Variants in MTAP observed in about 807,000 individuals in gnomAD.
MTAP encodes the protein S-methyl-5'-thioadenosine phosphorylase.
In MTAP, 33 loss-of-function variants were observed where a neutral mutation model predicts 33.6. The ratio of observed to expected loss-of-function variants is 0.98; its 90% CI spans 0.74 to 1.31. The LOEUF (loss-of-function observed/expected upper bound fraction) is 1.31, where lower values mean the gene tolerates loss of function less well. Ranked by LOEUF, MTAP falls within the 40% of genes most tolerant of loss-of-function variation. The probability of loss-of-function intolerance (pLI) is 0.00; values close to 1 mark genes in which losing one functional copy is unlikely to be tolerated. For missense variants in MTAP, 367 were observed against 360.0 expected (o/e 1.02, Z -0.16); for synonymous variants, 148 against 125.7 (o/e 1.18, Z -1.19).
In MTAP at chr9:21,863,750, A is replaced by T. The variant is rs551447344; in HGVS notation, c.*1736A>T. On this transcript the variant is annotated 3_prime_UTR_variant, in exon 8 of 8. Transcript: ENST00000644715. ...AGGATACTTCAGGATCAAGATACAGAACCTTTTATTTAAAGAGTTTGTAAA... is the reference window on the plus strand; with the variant it reads ...AGGATACTTCAGGATCAAGATACAGTACCTTTTATTTAAAGAGTTTGTAAA... 99 of 985,878 alleles carry T rather than the reference A, an allele frequency of 1.0e-4. No individual in the cohort carries two copies. In the African/African-American group the frequency reaches 1.7e-3, roughly 17 times the overall value. 61.1% of individuals were successfully genotyped at this position (985,878 alleles called of 1,614,324 possible). A position where few individuals can be genotyped will look rare whatever the true frequency, so the allele number is the denominator to read the frequency against.
intron 4 of MTAP, among the ~76,000 whole-genome samples, chr9:21,831,909 C>CCTA (rs1017391395): frequency 1.3e-5 from 2 of 151,946 alleles, no homozygotes; most frequent in Non-Finnish European, 2.9e-5. Context: ...GCCTGTTGTG[C>CCTA]CTAAGGCCTG....
chr9:21,898,970 C>G (rs926683310), intron 1 of MTAP, among the ~76,000 whole-genome samples: 2 of 152,044 alleles, frequency 1.3e-5, no homozygotes, highest in African/African-American at 4.8e-5. Context: ...ATAGCAAAGA[C>G]TTGGAACCAA....
chr9:21,940,073 G>C (rs951778778), downstream of MTAP, among the ~76,000 whole-genome samples: 1 of 152,144 alleles, frequency 6.6e-6, no homozygotes, highest in Admixed American at 6.5e-5. Flanking sequence ...CTGAGGTCGG[G>C]AGTTTGAAAC....
intron 4 of MTAP, among the ~76,000 whole-genome samples, chr9:21,820,407 C>T (rs1238721165): frequency 6.6e-6 from 1 of 152,192 alleles, no homozygotes; most frequent in Non-Finnish European, 1.5e-5. Context: ...GGAATCCTTT[C>T]CCCATTTCTT....
chr9:21,842,394 G>A (rs1825269403), intron 5 of MTAP, among the ~76,000 whole-genome samples: 1 of 152,144 alleles, frequency 6.6e-6, no homozygotes, highest in East Asian at 1.9e-4. Context: ...CCAAATACAA[G>A]AAGCTCAAAG....
chr9:21,829,552 C>T (rs951213118), intron 4 of MTAP, among the ~76,000 whole-genome samples: 28 of 151,864 alleles, frequency 1.8e-4, no homozygotes, highest in African/African-American at 6.8e-4. Context: ...CTACACTGCC[C>T]GTGTATTCTC....
chr9:21,930,972 T>G, intron 1 of MTAP: 1 of 742,288 alleles, frequency 1.3e-6, no homozygotes, highest in Non-Finnish European at 2.5e-6. Context: ...TTCAAAAATC[T>G]AATAACCCAA....
intron 4 of MTAP, among the ~76,000 whole-genome samples, chr9:21,830,518 T>C (rs1587223732): frequency 6.6e-6 from 1 of 152,240 alleles, no homozygotes; most frequent in East Asian, 1.9e-4. Context: ...GTTCCACTTC[T>C]TTGCAGCGAT....
At position 21,862,460 on chromosome 9, in the gene MTAP, A is replaced by G. The variant is rs1256494532; in HGVS notation, c.*446A>G. 1 of 154,982 alleles carries G rather than the reference A, an allele frequency of 6.5e-6. No homozygotes were observed. Among genetic ancestry groups the G allele is most frequent in the African/African-American group, 2.4e-5 (1 of 41,496 alleles). The allele number at this position is 154,982 out of a possible 1,614,324, so 9.6% of individuals were successfully genotyped here. A position where few individuals can be genotyped will look rare whatever the true frequency, so the allele number is the denominator to read the frequency against. On this transcript the variant is annotated 3_prime_UTR_variant, in exon 8 of 8. Coordinates refer to ENST00000644715, the MANE Select transcript of MTAP (RefSeq NM_002451.4). Reference sequence around the variant, plus strand: ...AAAATGCATCAAAAGACTTAAAAATACGGACGTACTTTGTGCTGGGAACTC... The same window carrying G: ...AAAATGCATCAAAAGACTTAAAAATGCGGACGTACTTTGTGCTGGGAACTC...
chr9:21,872,588 C>T (rs1375372080), intron 1 of MTAP, among the ~76,000 whole-genome samples: 1 of 152,114 alleles, frequency 6.6e-6, no homozygotes, highest in Non-Finnish European at 1.5e-5. Context: ...CACTAATGGG[C>T]TCAATCCTAA....
At chr9:21,889,874 G>T (rs147464239) in intron 1 of MTAP, among the ~76,000 whole-genome samples, 116 of 152,286 alleles carry the variant, frequency 7.6e-4, no homozygotes, top group Admixed American at 2.0e-3. Context: ...AATGCTGGTT[G>T]TGCTAGTGGT....
intron 1 of MTAP, among the ~76,000 whole-genome samples, chr9:21,896,354 A>C (rs977997492): frequency 6.6e-6 from 1 of 152,226 alleles, no homozygotes; most frequent in Non-Finnish European, 1.5e-5. Flanking sequence ...AAACACATTC[A>C]AAAGCTAGCA....
At chr9:21,898,869 C>T (rs1280053788) in intron 1 of MTAP, among the ~76,000 whole-genome samples, 2 of 152,066 alleles carry the variant, frequency 1.3e-5, no homozygotes, top group Non-Finnish European at 2.9e-5. Flanking sequence ...CTGACCCAGC[C>T]ATCCCATTAC....
intron 1 of MTAP, among the ~76,000 whole-genome samples, chr9:21,888,918 A>G (rs1404745430): frequency 6.6e-6 from 1 of 152,128 alleles, no homozygotes; most frequent in African/African-American, 2.4e-5. Context: ...ATAAAGGAAA[A>G]CCTATCAGAT....
At chr9:21,870,038 A>G (rs368263625), downstream of MTAP, among the ~76,000 whole-genome samples, 1 of 152,086 alleles carries the variant, frequency 6.6e-6, no homozygotes, top group Admixed American at 6.6e-5. Context: ...TGCCTTTAAC[A>G]TTAGAGTATT....
intron 5 of MTAP, among the ~76,000 whole-genome samples, chr9:21,847,602 C>T (rs1825414038): frequency 6.6e-6 from 1 of 152,316 alleles, no homozygotes; most frequent in Admixed American, 6.5e-5. Context: ...CCCTTAGTGA[C>T]TCTGTACATA....
chr9:21,917,139 G>A (rs1289881589), intron 1 of MTAP, among the ~76,000 whole-genome samples: 1 of 152,182 alleles, frequency 6.6e-6, no homozygotes, highest in Non-Finnish European at 1.5e-5. Flanking sequence ...AATGAGGAAG[G>A]CTTTGGGTGG....
downstream of MTAP, chr9:21,931,940 A>C (rs1225825357): frequency 6.6e-6 from 1 of 152,188 alleles, no homozygotes; most frequent in Non-Finnish European, 1.5e-5. Flanking sequence ...TGCTAACAGG[A>C]GGATAACTTG....
chr9:21,808,886 G>A (rs1824275729), intron 1 of MTAP: 1 of 152,302 alleles, frequency 6.6e-6, no homozygotes. Context: ...ACATACAGAG[G>A]GAAGACCATG....
Sources: allele counts gnomAD v4.1 joint callset (sites outside exome capture counted in the v4.1 genomes callset), GRCh38; gene constraint gnomAD v4.1.1; transcripts MANE v1.5; gene names NCBI Gene and HGNC (gene_info 2026-07-23, HGNC 2026-07-21).